Variants in AGBL4 observed in about 807,000 individuals in gnomAD.
AGBL4 encodes cytosolic carboxypeptidase 6.
AGBL4 carries 58 observed loss-of-function variants against 66.4 expected under a neutral mutation model. The ratio of observed to expected loss-of-function variants is 0.87; its 90% CI spans 0.71 to 1.09. AGBL4 has a LOEUF of 1.09. AGBL4 is among the 50% of genes least tolerant of loss of function. The pLI, the probability that AGBL4 is intolerant of heterozygous loss-of-function variation, is 0.00. For missense variants in AGBL4, 579 were observed against 631.0 expected, an observed-to-expected ratio of 0.92 and a Z score of 0.88; for synonymous variants, 234 against 222.9, an observed-to-expected ratio of 1.05 and a Z score of -0.44.
At chr1:49,262,645 T>G (rs1361040344) in intron 3 of AGBL4, among the ~76,000 whole-genome samples, 1 of 149,162 alleles carries the variant, frequency 6.7e-6, no homozygotes, top group Admixed American at 6.7e-5. Context: ...TCATTAAAAG[T>G]CAGGAAACAA....
At chr1:48,566,785 T>C (rs1328015354) in intron 11 of AGBL4, among the ~76,000 whole-genome samples, 1 of 152,170 alleles carries the variant, frequency 6.6e-6, no homozygotes, top group Non-Finnish European at 1.5e-5. Flanking sequence ...AAAAGTAACA[T>C]TGGCTCTTCC....
At chr1:49,618,687 A>T (rs1645298621) in intron 3 of AGBL4, among the ~76,000 whole-genome samples, 1 of 152,216 alleles carries the variant, frequency 6.6e-6, no homozygotes, top group South Asian at 2.1e-4. Context: ...TTTCAGGCCA[A>T]TATACCTGAT....
Position 49,898,622 on chromosome 1 carries a change from G to T in AGBL4, c.35-47104C>A, listed in dbSNP as rs190605268. 1.6e-3 allele frequency among the ~76,000 whole-genome samples: 237 copies of T among 151,992 alleles called. 1 individual carries two copies. Among genetic ancestry groups the T allele is most frequent in the African/African-American group, 4.8e-3 (201 of 41,480 alleles). On this transcript the variant is annotated intron_variant, in intron 1 of 13. Transcript: ENST00000371839. ...AACAATCCCACTGCTAGGCATATAC[G>T]CAAAGGAAAAAAAATCAGTATATCA...
intron 1 of AGBL4, among the ~76,000 whole-genome samples, chr1:49,965,539 C>G (rs1657481706): frequency 6.6e-6 from 1 of 152,150 alleles, no homozygotes; most frequent in South Asian, 2.1e-4. Flanking sequence ...AGCAAGTGAA[C>G]AAAACCCATA....
rs1191548783 is a variant in AGBL4 at position 48,534,312 on chromosome 1, C to T, written c.1392-19G>A. Reference sequence around the variant, plus strand: ...TTCTTTCCTGCAAAGGGGGAGATAACAGAAAGAGAGAAGACAGCCCATATA... The same window carrying T: ...TTCTTTCCTGCAAAGGGGGAGATAATAGAAAGAGAGAAGACAGCCCATATA... On this transcript the variant is annotated intron_variant, in intron 13 of 13. Coordinates refer to ENST00000371839, the MANE Select transcript of AGBL4 (RefSeq NM_032785.4). The T allele has an allele frequency of 1.9e-6, 3 of 1,545,748 alleles. No individual in the cohort carries two copies. The highest frequency in any genetic ancestry group is 2.6e-6 in the Non-Finnish European group (3 of 1,144,582).
chr1:48,809,982 C>A (rs913431740), intron 6 of AGBL4, among the ~76,000 whole-genome samples: 5 of 152,088 alleles, frequency 3.3e-5, no homozygotes, highest in Non-Finnish European at 7.4e-5. Context: ...ATGTTAAGTG[C>A]AGGAAATCTA....
chr1:48,953,546 T>C (rs144274721), intron 5 of AGBL4, among the ~76,000 whole-genome samples: 1 of 152,270 alleles, frequency 6.6e-6, no homozygotes, highest in Non-Finnish European at 1.5e-5. Flanking sequence ...GAAGGACTCA[T>C]GAAGAAGAGT....
At chr1:49,380,294 G>C (rs1644571627) in intron 3 of AGBL4, among the ~76,000 whole-genome samples, 1 of 152,058 alleles carries the variant, frequency 6.6e-6, no homozygotes, top group African/African-American at 2.4e-5. Flanking sequence ...CAACTTACAA[G>C]GGACGTGAAG....
chr1:48,732,187 A>C (rs751218856), intron 6 of AGBL4, among the ~76,000 whole-genome samples: 16 of 152,330 alleles, frequency 1.1e-4, no homozygotes, highest in Admixed American at 8.5e-4. Flanking sequence ...TCACCAAGAC[A>C]GGGAACATAG....
rs1300511712 is a variant in AGBL4, at chr1:49,378,954, G to A, written c.283-133090C>T. ...CAGAGAAGGTTTTTTTTAAAAGGAAGGTATGAGCAGCACATCATTGTGGCC... is the reference window on the plus strand; with the variant it reads ...CAGAGAAGGTTTTTTTTAAAAGGAAAGTATGAGCAGCACATCATTGTGGCC... On this transcript the variant is annotated intron_variant, in intron 3 of 13. Coordinates refer to ENST00000371839, the MANE Select transcript of AGBL4 (RefSeq NM_032785.4). Among the ~76,000 whole-genome samples the A allele has an allele frequency of 2.0e-5, 3 of 152,134 alleles. No homozygotes were observed. The East Asian group carries it at 5.8e-4, about 29-fold the overall frequency.
chr1:49,875,803 T>C (rs1252495222), intron 1 of AGBL4, among the ~76,000 whole-genome samples: 2 of 131,842 alleles, frequency 1.5e-5, no homozygotes, highest in African/African-American at 2.9e-5. Flanking sequence ...TTTCTCCACA[T>C]CCTCTCCAGC....
chr1:49,278,701 C>T (rs552612266), intron 3 of AGBL4, among the ~76,000 whole-genome samples: 2 of 151,936 alleles, frequency 1.3e-5, no homozygotes, highest in African/African-American at 2.4e-5. Context: ...TTGTTGCTGG[C>T]GTCAGGGATA....
intron 5 of AGBL4, among the ~76,000 whole-genome samples, chr1:48,984,621 T>C (rs1186365198): frequency 6.6e-6 from 1 of 150,738 alleles, no homozygotes; most frequent in Non-Finnish European, 1.5e-5. Context: ...AAAACCCCAA[T>C]ACTGTTTAAC....
rs1202640770 is a variant in AGBL4 at position 49,875,206 on chromosome 1, G to A, written c.35-23688C>T. On this transcript the variant is annotated intron_variant, in intron 1 of 13. Coordinates refer to ENST00000371839, the MANE Select transcript of AGBL4 (RefSeq NM_032785.4). The stretch of plus-strand genomic sequence containing the variant: ...GTTTTAGGGTACATGTGCACATTGT[G>A]CAGGTTAGTTACATATGTATACATA... Among the ~76,000 whole-genome samples the A allele has an allele frequency of 2.0e-5, 3 of 148,296 alleles. No individual in the cohort carries two copies. In the Admixed American group the frequency reaches 2.0e-4, roughly 10 times the overall value.
intron 2 of AGBL4, among the ~76,000 whole-genome samples, chr1:49,726,103 C>T (rs1310181708): frequency 1.3e-5 from 2 of 151,838 alleles, no homozygotes; most frequent in Non-Finnish European, 2.9e-5. Context: ...ATGACAATGA[C>T]GGTAGAATTA....
chr1:50,012,668 C>T (rs540135834), intron 1 of AGBL4, among the ~76,000 whole-genome samples: 2 of 152,108 alleles, frequency 1.3e-5, no homozygotes, highest in African/African-American at 4.8e-5. Context: ...TCAGAGAATA[C>T]CTCAGTAGGA....
intron 3 of AGBL4, among the ~76,000 whole-genome samples, chr1:49,587,471 C>A (rs1473311738): frequency 6.6e-6 from 1 of 152,134 alleles, no homozygotes. Flanking sequence ...GTTTTATTCA[C>A]CTCTGTATCA....
intron 5 of AGBL4, among the ~76,000 whole-genome samples, chr1:48,993,067 C>A (rs1213485562): frequency 6.6e-6 from 1 of 152,136 alleles, no homozygotes; most frequent in Non-Finnish European, 1.5e-5. Context: ...CTCCCCATAG[C>A]CACCATAGAT....
intron 2 of AGBL4, among the ~76,000 whole-genome samples, chr1:49,813,566 A>C (rs535949742): frequency 6.6e-6 from 1 of 152,232 alleles, no homozygotes; most frequent in South Asian, 2.1e-4. Flanking sequence ...TTCTTCATGC[A>C]TTCATTTACT....
Sources: gnomAD v4.1 joint callset for allele counts (sites outside exome capture counted in the v4.1 genomes callset) on GRCh38, gnomAD v4.1.1 for gene constraint, MANE v1.5 for transcripts, NCBI Gene and HGNC (gene_info 2026-07-23, HGNC 2026-07-21) for gene names.